The following EPHA7 variants were observed in gnomAD, a reference collection of about 807,000 sequenced individuals.
The protein encoded by EPHA7 is ephrin type-A receptor 7.
In EPHA7, 25 loss-of-function variants were observed where a neutral mutation model predicts 112.6. The observed-to-expected ratio is 0.22, with a 90% confidence interval of 0.16 to 0.31. The LOEUF (loss-of-function observed/expected upper bound fraction) is 0.31, where lower values mean the gene tolerates loss of function less well. EPHA7 is among the 10% of genes least tolerant of loss of function. The pLI is 1.00. For missense variants in EPHA7, 962 were observed against 1,212.6 expected (o/e 0.79, Z 3.07); for synonymous variants, 437 against 406.5 (o/e 1.07, Z -0.90).
At chr6:93,339,833 A>G (rs1775056531) in intron 5 of EPHA7, among the ~76,000 whole-genome samples, 1 of 98,940 alleles carries the variant, frequency 1.0e-5, no homozygotes, top group Non-Finnish European at 2.8e-5. Flanking sequence ...AACTTTGGGG[A>G]ATGTTTCTGG....
At chr6:93,283,788 C>A (rs2127827311) in intron 5 of EPHA7, among the ~76,000 whole-genome samples, 1 of 152,230 alleles carries the variant, frequency 6.6e-6, no homozygotes, top group South Asian at 2.1e-4. Flanking sequence ...TCAGTGAGAC[C>A]AAGAACCCCC....
chr6:93,270,521 TA>T (rs1771163483), intron 6 of EPHA7, among the ~76,000 whole-genome samples: 1 of 151,622 alleles, frequency 6.6e-6, no homozygotes, highest in African/African-American at 2.4e-5. Flanking sequence ...TATTTATGAA[TA>T]AAAGTTGTAA....
chr6:93,328,653 T>C (rs375370046), intron 5 of EPHA7, among the ~76,000 whole-genome samples: 8 of 151,370 alleles, frequency 5.3e-5, no homozygotes, highest in East Asian at 1.9e-4. Context: ...TCCTAGGACA[T>C]TGGTTCCTGA....
intron 2 of EPHA7, 50 bp downstream of exon 2, chr6:93,414,653 T>C: frequency 2.8e-6 from 4 of 1,431,602 alleles, no homozygotes; most frequent in South Asian, 1.2e-5. Context: ...AAGGGAAACG[T>C]TTTGTTTCTT....
chr6:93,404,636 T>C (rs73755399), intron 3 of EPHA7, among the ~76,000 whole-genome samples: 29,554 of 145,056 alleles, frequency 0.2, 3,296 homozygotes, highest in Non-Finnish European at 0.25. Context: ...TATATATATA[T>C]ACACACATGT....
intron 9 of EPHA7, among the ~76,000 whole-genome samples, chr6:93,260,988 T>C (rs1189003861): frequency 6.6e-6 from 1 of 151,630 alleles, no homozygotes; most frequent in Non-Finnish European, 1.5e-5. Flanking sequence ...TAAAATTTTG[T>C]TTTGATAAGG....
At position 93,419,458 on chromosome 6, in the gene EPHA7, C is replaced by T. The variant is rs1180595736; in HGVS notation, c.-117G>A. On this transcript the variant is annotated 5_prime_UTR_variant, in exon 1 of 17. Coordinates refer to ENST00000369303, the MANE Select transcript of EPHA7 (RefSeq NM_004440.4). ...TGCTCCTTGCATCGATTCCCCTTCT[C>T]GGTCCCCGATCGGCTGCTCCACGTT... 3 of 749,702 alleles carry T rather than the reference C, an allele frequency of 4.0e-6. No homozygotes were observed. The highest frequency in any genetic ancestry group is 3.8e-5 in the South Asian group (2 of 52,608). The allele number at this position is 749,702 out of a possible 1,614,324, so 46.4% of individuals were successfully genotyped here.
intron 5 of EPHA7, among the ~76,000 whole-genome samples, chr6:93,331,244 TA>T (rs1201629875): frequency 2.0e-5 from 3 of 151,470 alleles, no homozygotes; most frequent in African/African-American, 7.3e-5. Context: ...AGAGATGGCC[TA>T]AACAAGTCTC....
intron 3 of EPHA7, among the ~76,000 whole-genome samples, chr6:93,365,016 C>A (rs1448884244): frequency 1.3e-5 from 2 of 152,096 alleles, no homozygotes; most frequent in African/African-American, 4.8e-5. Flanking sequence ...ATTTTTCATC[C>A]ACATTACTTT....
intron 5 of EPHA7, among the ~76,000 whole-genome samples, chr6:93,338,602 T>TA: frequency 6.6e-6 from 1 of 152,140 alleles, no homozygotes; most frequent in Non-Finnish European, 1.5e-5. Flanking sequence ...AAGTTCTCAA[T>TA]TATACCTGAA....
intron 5 of EPHA7, among the ~76,000 whole-genome samples, chr6:93,310,260 A>C (rs555853823): frequency 6.6e-6 from 1 of 152,350 alleles, no homozygotes; most frequent in African/African-American, 2.4e-5. Context: ...TTTTTCAGTT[A>C]TATTGTGATA....
chr6:93,332,316 A>G (rs953806899), intron 5 of EPHA7, among the ~76,000 whole-genome samples: 3 of 151,686 alleles, frequency 2.0e-5, no homozygotes, highest in Non-Finnish European at 3.0e-5. Flanking sequence ...ATAAAATAAA[A>G]TAAGTACAAT....
intron 5 of EPHA7, among the ~76,000 whole-genome samples, chr6:93,321,126 C>A (rs993243039): frequency 1.3e-4 from 20 of 151,822 alleles, no homozygotes; most frequent in African/African-American, 4.1e-4. Flanking sequence ...CAGTACATCT[C>A]AATATGTGGC....
chr6:93,404,276 G>A (rs1206170627), intron 3 of EPHA7, among the ~76,000 whole-genome samples: 3 of 151,888 alleles, frequency 2.0e-5, no homozygotes, highest in Non-Finnish European at 4.4e-5. Context: ...TAGGATGTTA[G>A]GAAAGGTAGA....
At chr6:93,295,458 G>A (rs1231475768) in intron 5 of EPHA7, among the ~76,000 whole-genome samples, 2 of 151,136 alleles carry the variant, frequency 1.3e-5, no homozygotes, top group East Asian at 1.9e-4. Flanking sequence ...TCTGTCTTAC[G>A]GTTTTGTGGT....
chr6:93,284,330 T>TC (rs1382092878), intron 5 of EPHA7, among the ~76,000 whole-genome samples: 5 of 144,148 alleles, frequency 3.5e-5, no homozygotes, highest in Admixed American at 2.1e-4. Flanking sequence ...ATTTTTTTTT[T>TC]TCAAAATCAT....
At chr6:93,305,758 C>T (rs369530) in intron 5 of EPHA7, among the ~76,000 whole-genome samples, 93,236 of 151,630 alleles carry the variant, frequency 0.61, 28,862 homozygotes, top group African/African-American at 0.71. Flanking sequence ...TTGTTTGCTA[C>T]TGTCAATACC....
At chr6:93,257,218 T>C (rs1168720670) in intron 12 of EPHA7, among the ~76,000 whole-genome samples, 1 of 152,084 alleles carries the variant, frequency 6.6e-6, no homozygotes. Context: ...TCGGGCATCC[T>C]CCATACCTCA....
At chr6:93,392,330 G>T (rs1777948881) in intron 3 of EPHA7, among the ~76,000 whole-genome samples, 3 of 151,894 alleles carry the variant, frequency 2.0e-5, no homozygotes, top group Admixed American at 6.6e-5. Flanking sequence ...TCAAAGGGAT[G>T]GTTACCTTTT....
Sources: gnomAD v4.1 joint callset for allele counts (sites outside exome capture counted in the v4.1 genomes callset) on GRCh38, gnomAD v4.1.1 for gene constraint, MANE v1.5 for transcripts, NCBI Gene and HGNC (gene_info 2026-07-23, HGNC 2026-07-21) for gene names.